FREM3: variants seen among roughly 807,000 people sequenced by gnomAD.
FREM3 encodes FRAS1 related extracellular matrix 3.
FREM3 carries 105 observed loss-of-function variants against 129.1 expected under a neutral mutation model. That is an observed-to-expected ratio of 0.81 (90% CI 0.69 to 0.96). The LOEUF (loss-of-function observed/expected upper bound fraction) is 0.96, where lower values mean the gene tolerates loss of function less well. Among genes scored for constraint, FREM3 ranks in the 40% least tolerant of loss-of-function variants. The pLI is 0.00. For synonymous variants in FREM3, 1,014 were observed against 1,044.9 expected, an observed-to-expected ratio of 0.97 and a Z score of 0.57; for missense variants, 2,593 against 2,666.3, an observed-to-expected ratio of 0.97 and a Z score of 0.61.
chr4:143,691,996 A>C (rs984548125), intron 2 of FREM3, among the ~76,000 whole-genome samples: 2 of 152,188 alleles, frequency 1.3e-5, no homozygotes, highest in Admixed American at 1.3e-4. Context: ...TTAAACTTTA[A>C]GGGAGAAAAT....
At chr4:143,655,188 T>C (rs567006391) in intron 2 of FREM3, among the ~76,000 whole-genome samples, 2 of 152,306 alleles carry the variant, frequency 1.3e-5, no homozygotes, top group South Asian at 4.1e-4. Context: ...TTAGGACTTT[T>C]TTCCCTAGCA....
chr4:143,593,001 G>A (rs968139677), intron 6 of FREM3, among the ~76,000 whole-genome samples: 12 of 151,946 alleles, frequency 7.9e-5, no homozygotes, highest in Middle Eastern at 3.4e-3. Context: ...ATCTTCCATC[G>A]CTGTTACCCT....
intron 7 of FREM3, among the ~76,000 whole-genome samples, chr4:143,579,875 C>T (rs1738101643): frequency 6.6e-6 from 1 of 152,150 alleles, no homozygotes; most frequent in African/African-American, 2.4e-5. Flanking sequence ...TTGTTAAACC[C>T]ATGAATCACT....
chr4:143,698,621 G>A lies in FREM3; in HGVS notation c.2055C>T (p.Leu685=). The A allele has an allele frequency of 6.5e-7, 1 of 1,537,832 alleles. No homozygotes were observed. Among genetic ancestry groups the A allele is most frequent in the South Asian group, 1.2e-5 (1 of 84,058 alleles). ...TGATGGTGAAAATGTGCTGTTTGGAGAGATTGGGTGGGTCATGGTCATCCT... is the reference window on the plus strand; with the variant it reads ...TGATGGTGAAAATGTGCTGTTTGGAAAGATTGGGTGGGTCATGGTCATCCT... ...HVQDDHDPPN[L]SKQHIFTIKV... Residue 685 remains leucine, a synonymous_variant, in exon 1 of 8, where the codon CTC becomes CTT. Transcript: ENST00000329798.
chr4:143,678,882 A>ATATGT (rs60290525), intron 2 of FREM3, among the ~76,000 whole-genome samples: 11,008 of 152,126 alleles, frequency 0.072, 1,049 homozygotes, highest in African/African-American at 0.21. Flanking sequence ...ATTTCAAGTA[A>ATATGT]TAAGAACATA....
intron 6 of FREM3, among the ~76,000 whole-genome samples, chr4:143,609,581 C>T (rs1298338425): frequency 6.6e-6 from 1 of 152,114 alleles, no homozygotes; most frequent in Non-Finnish European, 1.5e-5. Flanking sequence ...GTAAATCTTT[C>T]CTAACCTCTT....
At chr4:143,660,737 T>G (rs6537163) in intron 2 of FREM3, among the ~76,000 whole-genome samples, 82,322 of 151,314 alleles carry the variant, frequency 0.54, 23,366 homozygotes, top group East Asian at 0.71. Context: ...TTTTCCATTT[T>G]TTTGTATCCT....
At chr4:143,641,073 A>G (rs73852689) in intron 2 of FREM3, among the ~76,000 whole-genome samples, 3,893 of 152,276 alleles carry the variant, frequency 0.026, 190 homozygotes, top group African/African-American at 0.088. Context: ...AATCAAACTA[A>G]GCCCCTTTTC....
chr4:143,692,391 T>A (rs1391971800), intron 2 of FREM3, among the ~76,000 whole-genome samples: 1 of 152,268 alleles, frequency 6.6e-6, no homozygotes, highest in South Asian at 2.1e-4. Flanking sequence ...GGTTACTTAC[T>A]GGGAATGAGT....
At chr4:143,587,611 C>G (rs1450922745) in intron 6 of FREM3, among the ~76,000 whole-genome samples, 1 of 152,186 alleles carries the variant, frequency 6.6e-6, no homozygotes, top group Non-Finnish European at 1.5e-5. Context: ...GTTTCTGATG[C>G]CTCCACGGTT....
intron 2 of FREM3, among the ~76,000 whole-genome samples, chr4:143,659,270 G>T (rs1451417278): frequency 6.6e-6 from 1 of 151,174 alleles, no homozygotes; most frequent in Non-Finnish European, 1.5e-5. Flanking sequence ...AGTCCCCAGA[G>T]TGTGATGTTC....
At chr4:143,607,201 G>T (rs1738682251) in intron 6 of FREM3, among the ~76,000 whole-genome samples, 1 of 152,100 alleles carries the variant, frequency 6.6e-6, no homozygotes, top group Non-Finnish European at 1.5e-5. Flanking sequence ...TTGAATAAAA[G>T]AATTGGCCTA....
At chr4:143,675,878 C>T (rs553402518) in intron 2 of FREM3, among the ~76,000 whole-genome samples, 1 of 152,188 alleles carries the variant, frequency 6.6e-6, no homozygotes, top group African/African-American at 2.4e-5. Context: ...ATAACAGGCT[C>T]TGAAACTGAG....
intron 2 of FREM3, among the ~76,000 whole-genome samples, chr4:143,664,600 C>A (rs977558802): frequency 4.6e-5 from 7 of 152,134 alleles, no homozygotes; most frequent in Admixed American, 4.6e-4. Context: ...GCTGGGACAA[C>A]CACTGCTCTC....
intron 2 of FREM3, among the ~76,000 whole-genome samples, chr4:143,682,978 T>A (rs979811289): frequency 2.6e-5 from 4 of 151,728 alleles, no homozygotes; most frequent in African/African-American, 4.8e-5. Context: ...TCCTTACAAG[T>A]GAAAGAGGGA....
At chr4:143,630,774 A>C (rs1489968941) in intron 2 of FREM3, among the ~76,000 whole-genome samples, 1 of 152,160 alleles carries the variant, frequency 6.6e-6, no homozygotes, top group Non-Finnish European at 1.5e-5. Context: ...GTATGTTAGG[A>C]GAAAGAGGCT....
At chr4:143,617,413 T>C (rs1738872173) in intron 5 of FREM3, among the ~76,000 whole-genome samples, 1 of 152,138 alleles carries the variant, frequency 6.6e-6, no homozygotes, top group South Asian at 2.1e-4. Flanking sequence ...ACATTAATGG[T>C]GCCAAGGTTG....
intron 2 of FREM3, among the ~76,000 whole-genome samples, chr4:143,660,880 C>T (rs1259193692): frequency 6.6e-6 from 1 of 152,158 alleles, no homozygotes; most frequent in African/African-American, 2.4e-5. Context: ...ATTTGGCTCT[C>T]TGTTTGTCTG....
chr4:143,611,614 A>G, intron 5 of FREM3, 87 bp from the exon 6 acceptor site: 1 of 1,183,786 alleles, frequency 8.4e-7, no homozygotes, highest in Non-Finnish European at 1.2e-6. Flanking sequence ...ATGTATTTTT[A>G]GATAATAGCT....
Sources: gnomAD v4.1 joint callset for allele counts (sites outside exome capture counted in the v4.1 genomes callset) on GRCh38, gnomAD v4.1.1 for gene constraint, MANE v1.5 for transcripts, NCBI Gene and HGNC (gene_info 2026-07-23, HGNC 2026-07-21) for gene names.